DNAH8: variants seen among roughly 807,000 people sequenced by gnomAD.
DNAH8 encodes the protein dynein axonemal heavy chain 8.
Under a neutral mutation model 562.1 loss-of-function variants are expected in DNAH8, and 382 were observed. That is an observed-to-expected ratio of 0.68 (90% CI 0.63 to 0.74). The LOEUF (loss-of-function observed/expected upper bound fraction) is 0.74. DNAH8 is among the 30% of genes least tolerant of loss of function. The pLI, the probability that DNAH8 is intolerant of heterozygous loss-of-function variation, is 0.00. For synonymous variants in DNAH8, 1,881 were observed against 1,919.4 expected (o/e 0.98, Z 0.52); for missense variants, 5,203 against 5,620.4 (o/e 0.93, Z 2.37).
At chr6:38,955,972 T>G (rs960748295) in intron 82 of DNAH8, among the ~76,000 whole-genome samples, 2 of 152,230 alleles carry the variant, frequency 1.3e-5, no homozygotes, top group Non-Finnish European at 2.9e-5. Flanking sequence ...CTTTTTGGCC[T>G]TGAGCCTGCA....
At chr6:38,832,274 T>C (rs1272688344) in intron 30 of DNAH8, 48 bp from the exon 31 acceptor site, 6 of 1,245,490 alleles carry the variant, frequency 4.8e-6, no homozygotes, top group Non-Finnish European at 5.8e-6. Flanking sequence ...ATTTTTGTTT[T>C]TAATATGTTA....
intron 33 of DNAH8, 22 bp downstream of exon 33, chr6:38,838,064 G>A: frequency 6.9e-7 from 1 of 1,448,554 alleles, no homozygotes; most frequent in South Asian, 1.2e-5. Context: ...AAATAAGCAA[G>A]TATTACATGC....
At chr6:38,876,270 GC>G (rs1296373355) in intron 53 of DNAH8, among the ~76,000 whole-genome samples, 3 of 152,090 alleles carry the variant, frequency 2.0e-5, no homozygotes, top group Non-Finnish European at 2.9e-5. Context: ...TGTCACCTTA[GC>G]CCCCCAGCCT....
At chr6:38,876,078 T>C (rs1777971294) in intron 53 of DNAH8, among the ~76,000 whole-genome samples, 1 of 152,202 alleles carries the variant, frequency 6.6e-6, no homozygotes, top group South Asian at 2.1e-4. Context: ...AATAAGTTAG[T>C]AATACCTTGT....
intron 71 of DNAH8, among the ~76,000 whole-genome samples, chr6:38,922,709 G>A (rs949187536): frequency 2.6e-5 from 4 of 152,146 alleles, no homozygotes; most frequent in Non-Finnish European, 4.4e-5. Context: ...CAAAGAACTC[G>A]GGATTATTAC....
chr6:38,730,750 G>T (rs796617778), intron 4 of DNAH8, among the ~76,000 whole-genome samples: 52 of 152,302 alleles, frequency 3.4e-4, no homozygotes, highest in African/African-American at 1.2e-3. Context: ...ATCTGGACAC[G>T]CAGTACTTGT....
chr6:38,831,430 C>CAAAAAAAAAAAAAAAAAAAAAAAAAA (rs67322321), intron 30 of DNAH8, among the ~76,000 whole-genome samples: 1 of 89,024 alleles, frequency 1.1e-5, no homozygotes, highest in Non-Finnish European at 2.1e-5. Flanking sequence ...GACACCATCT[C>CAAAAAAAAAAAAAAAAAAAAAAAAAA]AAAAAAAAAA....
Position 38,886,967 on chromosome 6 carries a change from T to A in DNAH8, c.8436T>A (p.Cys2812Ter). The A allele has an allele frequency of 6.2e-7, 1 of 1,613,884 alleles. No homozygotes were observed. Among genetic ancestry groups the A allele is most frequent in the Non-Finnish European group, 8.5e-7 (1 of 1,179,804 alleles). The change falls in exon 57 of 93, where the codon TGT (cysteine) becomes TGA (stop). Residue 2812 changes from cysteine to a stop codon, truncating the protein, a stop_gained. Coordinates refer to ENST00000327475, the MANE Select transcript of DNAH8 (RefSeq NM_001206927.2). LOFTEE classifies it high-confidence loss of function. ...RLKRQFTVFN[C>*]TLPSNASIDK... ...AAAGACAATTTACTGTGTTTAATTG[T>A]ACATTGCCTTCAAATGCTTCAATAG...
chr6:38,969,036 T>A (rs1763162926), intron 82 of DNAH8, among the ~76,000 whole-genome samples: 1 of 152,120 alleles, frequency 6.6e-6, no homozygotes, highest in Non-Finnish European at 1.5e-5. Context: ...CAAAAGACCA[T>A]ATATTGCATA....
intron 22 of DNAH8, among the ~76,000 whole-genome samples, chr6:38,804,757 A>AG (rs1467434971): frequency 1.5e-5 from 2 of 136,858 alleles, no homozygotes; most frequent in African/African-American, 6.6e-5. Context: ...TGACATAGCA[A>AG]GAAGAGAGAG....
intron 11 of DNAH8, among the ~76,000 whole-genome samples, chr6:38,769,722 G>A (rs1409285332): frequency 6.6e-6 from 1 of 152,206 alleles, no homozygotes; most frequent in Non-Finnish European, 1.5e-5. Context: ...GATTACCCAA[G>A]TGGGCCCAAT....
At chr6:38,837,337 A>G (rs1054879537) in intron 32 of DNAH8, among the ~76,000 whole-genome samples, 2 of 152,220 alleles carry the variant, frequency 1.3e-5, no homozygotes, top group African/African-American at 2.4e-5. Context: ...GTCCTCACAG[A>G]TGGGTTACTT....
rs1451138078 is a variant in DNAH8 at position 38,737,122 on chromosome 6, A to C, written c.818A>C (p.Asp273Ala). 1.9e-6 allele frequency: 3 copies of C among 1,584,982 alleles called. No homozygotes were observed. The highest frequency in any genetic ancestry group is 2.6e-6 in the Non-Finnish European group (3 of 1,168,210). Residue 273 changes from aspartate to alanine, a missense_variant, in exon 6 of 93, where the codon GAT becomes GCT. Asp to Ala is a moderately radical substitution (Grantham distance 126). Coordinates refer to ENST00000327475, the MANE Select transcript of DNAH8 (RefSeq NM_001206927.2). The part of the protein sequence containing the change: ...ASKGLLNGIR[D>A]MLANIFLPAV... Reference sequence around the variant, plus strand: ...AAAGGACTCTTAAATGGAATTAGGGATATGTTGGCAAATATATTTCTACCA... The same window carrying C: ...AAAGGACTCTTAAATGGAATTAGGGCTATGTTGGCAAATATATTTCTACCA...
chr6:38,887,322 G>A (rs944215146), intron 57 of DNAH8, among the ~76,000 whole-genome samples: 8 of 152,184 alleles, frequency 5.3e-5, no homozygotes, highest in Non-Finnish European at 1.5e-5. Context: ...ACAGATTAAC[G>A]ATATATTATA....
intron 84 of DNAH8, 81 bp from the exon 85 acceptor site, chr6:38,974,293 A>G (rs1763533976): frequency 8.9e-7 from 1 of 1,121,060 alleles, no homozygotes; most frequent in East Asian, 2.6e-5. Context: ...GATAAAGGAT[A>G]TTCAGCCTAA....
chr6:38,847,443 A>C (rs978492606), intron 36 of DNAH8, among the ~76,000 whole-genome samples: 1 of 152,008 alleles, frequency 6.6e-6, no homozygotes, highest in African/African-American at 2.4e-5. Flanking sequence ...ACTGCCTTTC[A>C]GCTCTCGACC....
chr6:39,009,403 A>G (rs1440885826), intron 89 of DNAH8, among the ~76,000 whole-genome samples: 12 of 152,174 alleles, frequency 7.9e-5, no homozygotes, highest in Admixed American at 7.9e-4. Context: ...TAGGTAGATG[A>G]TCCACCCATC....
chr6:38,791,406 TAA>T, intron 20 of DNAH8, 147 bp from the exon 21 acceptor site: 1 of 1,007,528 alleles, frequency 9.9e-7, no homozygotes, highest in Non-Finnish European at 1.4e-6. Context: ...GATGTCCTCC[TAA>T]AATGTTCACC....
intron 56 of DNAH8, among the ~76,000 whole-genome samples, chr6:38,885,003 C>T (rs773451167): frequency 6.6e-6 from 1 of 152,100 alleles, no homozygotes; most frequent in Non-Finnish European, 1.5e-5. Flanking sequence ...TATCCCTATT[C>T]GCCTCAGACA....
Sources: allele counts gnomAD v4.1 joint callset (sites outside exome capture counted in the v4.1 genomes callset), GRCh38; gene constraint gnomAD v4.1.1; transcripts MANE v1.5; gene names NCBI Gene and HGNC (gene_info 2026-07-23, HGNC 2026-07-21).